The following KDM2B variants were observed in gnomAD, a reference collection of about 807,000 sequenced individuals.
KDM2B encodes lysine-specific demethylase 2B.
Under a neutral mutation model 150.0 loss-of-function variants are expected in KDM2B, and 26 were observed. The ratio of observed to expected loss-of-function variants is 0.17; its 90% confidence interval spans 0.13 to 0.24. The LOEUF is 0.24. Among genes scored for constraint, KDM2B ranks in the 10% least tolerant of loss-of-function variants. The pLI, the probability that KDM2B is intolerant of heterozygous loss-of-function variation, is 1.00. For missense variants in KDM2B, 1,265 were observed against 1,816.9 expected (o/e 0.70, Z 5.52); for synonymous variants, 734 against 729.5 (o/e 1.01, Z -0.10).
At chr12:121,568,077 G>A (rs938291166) in intron 4 of KDM2B, among the ~76,000 whole-genome samples, 1 of 151,956 alleles carries the variant, frequency 6.6e-6, no homozygotes, top group Non-Finnish European at 1.5e-5. Context: ...ACTTTCTTAC[G>A]GCAGCCCAAG....
At chr12:121,581,155 T>C, upstream of KDM2B, 1 of 444,142 alleles carries the variant, frequency 2.3e-6, no homozygotes, top group Non-Finnish European at 3.9e-6. Flanking sequence ...AGTTGGACAT[T>C]TTTTAAAGGT....
intron 4 of KDM2B, among the ~76,000 whole-genome samples, chr12:121,556,152 C>A (rs1388291201): frequency 2.6e-5 from 4 of 152,044 alleles, no homozygotes; most frequent in African/African-American, 9.7e-5. Flanking sequence ...GTCTTGAACT[C>A]CTGACATTGT....
chr12:121,487,178 A>C (rs1323851542), intron 12 of KDM2B, among the ~76,000 whole-genome samples: 2 of 152,176 alleles, frequency 1.3e-5, no homozygotes, highest in African/African-American at 4.8e-5. Flanking sequence ...AGAAGGAAAG[A>C]AAGAAAGAAC....
At chr12:121,445,574 C>T (rs781884833) in intron 13 of KDM2B, among the ~76,000 whole-genome samples, 156 bp from the exon 14 acceptor site, 1 of 152,216 alleles carries the variant, frequency 6.6e-6, no homozygotes, top group East Asian at 1.9e-4. Flanking sequence ...CATTGAAATA[C>T]GTATCAGGCT....
At chr12:121,475,080 A>G (rs1881198680) in intron 12 of KDM2B, among the ~76,000 whole-genome samples, 1 of 152,134 alleles carries the variant, frequency 6.6e-6, no homozygotes, top group Non-Finnish European at 1.5e-5. Context: ...CCAGGTGTGT[A>G]GAGGGCTATA....
chr12:121,568,866 TAAAAAAAAAA>T (rs56132369), intron 4 of KDM2B, among the ~76,000 whole-genome samples: 3 of 139,942 alleles, frequency 2.1e-5, no homozygotes, highest in African/African-American at 7.9e-5. Flanking sequence ...GCTTTTTTGT[TAAAAAAAAAA>T]AAAAAAAAAG....
chr12:121,496,083 G>C (rs868955574), intron 11 of KDM2B, among the ~76,000 whole-genome samples: 1 of 151,992 alleles, frequency 6.6e-6, no homozygotes, highest in African/African-American at 2.4e-5. Flanking sequence ...AACTTACAGG[G>C]GAGGTTACCA....
At chr12:121,532,733 C>T in intron 8 of KDM2B, 73 bp downstream of exon 8, 3 of 1,534,754 alleles carry the variant, frequency 2.0e-6, no homozygotes, top group Middle Eastern at 1.8e-4. Context: ...CAGAGCAACC[C>T]TCAGGGGGCC....
rs566901699 is a variant in KDM2B at position 121,433,917 on chromosome 12, T to G, written c.3830-3448A>C. 7.9e-3 allele frequency among the ~76,000 whole-genome samples: 1,199 copies of G among 152,238 alleles called. 16 individuals carry two copies. The highest frequency in any genetic ancestry group is 0.028 in the African/African-American group (1,160 of 41,534). ...TACATAGGCCGGGCGCGACTGCTCA[T>G]GCCTGTAAGACCAGCACTTGGGAGG... On this transcript the variant is annotated intron_variant, in intron 22 of 22. Coordinates refer to ENST00000377071, the MANE Select transcript of KDM2B (RefSeq NM_032590.5).
intron 8 of KDM2B, chr12:121,524,752 G>A (rs140226208): frequency 8.7e-5 from 38 of 437,490 alleles, no homozygotes; most frequent in African/African-American, 3.6e-4. Context: ...GGCTGGGAAC[G>A]CTGGCATCTG....
intron 12 of KDM2B, among the ~76,000 whole-genome samples, chr12:121,475,219 T>C (rs916138555): frequency 6.7e-6 from 1 of 150,370 alleles, no homozygotes; most frequent in Non-Finnish European, 1.5e-5. Context: ...TGTGTGTGTG[T>C]GTGTGTGTAT....
intron 12 of KDM2B, chr12:121,493,742 A>C (rs1471055173): frequency 1.3e-5 from 2 of 152,226 alleles, no homozygotes; most frequent in Middle Eastern, 3.2e-3. Context: ...AAATAAGATA[A>C]GGGCTGTGGA....
rs1180596525 is a variant in KDM2B at position 121,452,999 on chromosome 12, G to A, written c.1959+121C>T. On this transcript the variant is annotated intron_variant, in intron 13 of 22. Transcript: ENST00000377071. This position sits in a 1 kb window ranked among gnomAD's most constrained non-coding sequence, Gnocchi z 4.4. ...CCCGTCCACAGGAAGAGCTCTCGGG[G>A]AGTCCACAGCCCCGGCTTCTCTGTG... is the stretch of plus-strand genomic sequence containing the variant. 2.3e-6 allele frequency: 2 copies of A among 887,814 alleles called. No homozygotes were observed. Among genetic ancestry groups the A allele is most frequent in the Non-Finnish European group, 1.7e-6 (1 of 603,728 alleles). 55.0% of individuals were successfully genotyped at this position (887,814 alleles called of 1,614,324 possible). A position where few individuals can be genotyped will look rare whatever the true frequency, so the allele number is the denominator to read the frequency against.
rs1381922754 is a variant in KDM2B at position 121,429,873 on chromosome 12, C to T, written c.*415G>A. 1.0e-5 allele frequency: 6 copies of T among 572,264 alleles called. No homozygotes were observed. Among genetic ancestry groups the T allele is most frequent in the Non-Finnish European group, 1.9e-5 (6 of 321,312 alleles). The allele number at this position is 572,264 out of a possible 1,614,324, so 35.4% of individuals were successfully genotyped here. On this transcript the variant is annotated 3_prime_UTR_variant, in exon 23 of 23. Coordinates refer to ENST00000377071, the MANE Select transcript of KDM2B (RefSeq NM_032590.5). ...AACCAAACAAAAAAAAGTGTCAAGA[C>T]GGCAGCAGATGTGGTGTGTGGTCCA...
intron 4 of KDM2B, among the ~76,000 whole-genome samples, chr12:121,558,411 A>G (rs900176872): frequency 4.0e-5 from 6 of 151,746 alleles, no homozygotes; most frequent in African/African-American, 1.5e-4. Flanking sequence ...TCAACACAGA[A>G]GGACAGACAT....
chr12:121,542,326 C>T (rs1208001715), intron 6 of KDM2B, among the ~76,000 whole-genome samples: 1 of 152,174 alleles, frequency 6.6e-6, no homozygotes, highest in Non-Finnish European at 1.5e-5. Flanking sequence ...TCATTCCCCC[C>T]ACTGCAACAT....
At position 121,521,601 on chromosome 12, in the gene KDM2B, A is replaced by G. The variant is rs563598195; in HGVS notation, c.932-501T>C. 2.0e-5 allele frequency among the ~76,000 whole-genome samples: 3 copies of G among 152,224 alleles called. No individual in the cohort carries two copies. In the South Asian group the frequency reaches 6.2e-4, roughly 32 times the overall value. On this transcript the variant is annotated intron_variant, in intron 8 of 22. Coordinates refer to ENST00000377071, the MANE Select transcript of KDM2B (RefSeq NM_032590.5). This position sits in a 1 kb window ranked among gnomAD's most constrained non-coding sequence, Gnocchi z 4.9. ...AGGACCCAAGCACTTTCCTCCGCCC[A>G]AGTCCATCTTCTTGTCATCAAACTC...
At chr12:121,436,470 G>T (rs1400241580) in intron 22 of KDM2B, among the ~76,000 whole-genome samples, 1 of 150,770 alleles carries the variant, frequency 6.6e-6, no homozygotes, top group African/African-American at 2.4e-5. Flanking sequence ...GTAGTGAGCC[G>T]AGATCGCGCA....
intron 4 of KDM2B, among the ~76,000 whole-genome samples, chr12:121,554,720 C>G (rs1555312441): frequency 6.6e-6 from 1 of 152,048 alleles, no homozygotes; most frequent in African/African-American, 2.4e-5. Context: ...CTGTAACATA[C>G]TTTAAATTAA....
Sources: gnomAD v4.1 joint callset for allele counts (sites outside exome capture counted in the v4.1 genomes callset) on GRCh38, gnomAD v4.1.1 for gene constraint, Gnocchi (gnomAD v3.1) non-coding constraint, MANE v1.5 for transcripts, NCBI Gene and HGNC (gene_info 2026-07-23, HGNC 2026-07-21) for gene names.